The following SEMA3C variants were observed in gnomAD, a reference collection of about 807,000 sequenced individuals.
The protein encoded by SEMA3C is semaphorin 3C, also known as semaphorin-3C.
Under a neutral mutation model 89.4 loss-of-function variants are expected in SEMA3C, and 47 were observed. The ratio of observed to expected loss-of-function variants is 0.53; its 90% confidence interval spans 0.42 to 0.67. The LOEUF (loss-of-function observed/expected upper bound fraction) is 0.67, where lower values mean the gene tolerates loss of function less well. Among genes scored for constraint, SEMA3C ranks in the 30% least tolerant of loss-of-function variants. SEMA3C has a pLI of 0.00. For synonymous variants in SEMA3C, 310 were observed against 320.2 expected, an observed-to-expected ratio of 0.97 and a Z score of 0.34; for missense variants, 839 against 929.1, an observed-to-expected ratio of 0.90 and a Z score of 1.26.
At chr7:80,748,362 C>A (rs1054357261) in intron 17 of SEMA3C, among the ~76,000 whole-genome samples, 1 of 152,074 alleles carries the variant, frequency 6.6e-6, no homozygotes, top group East Asian at 1.9e-4. Flanking sequence ...TTCCACATCA[C>A]TAAATACAGA....
At chr7:80,914,073 T>G (rs1334284884) in intron 2 of SEMA3C, among the ~76,000 whole-genome samples, 5 of 152,138 alleles carry the variant, frequency 3.3e-5, no homozygotes, top group Admixed American at 3.3e-4. Flanking sequence ...TAAAGGTACT[T>G]AGAGATATAA....
chr7:80,895,092 A>G (rs1380206713), intron 2 of SEMA3C, among the ~76,000 whole-genome samples: 4 of 152,142 alleles, frequency 2.6e-5, no homozygotes, highest in Admixed American at 2.6e-4. Context: ...CCCCACACAC[A>G]CGTGAGCATG....
chr7:80,756,517 A>G (rs1385300546), intron 15 of SEMA3C, among the ~76,000 whole-genome samples: 3 of 152,198 alleles, frequency 2.0e-5, no homozygotes, highest in South Asian at 2.1e-4. Flanking sequence ...GCCAAACAGT[A>G]TCATTCACAT....
At chr7:80,747,064 TA>T (rs1327997953) in intron 17 of SEMA3C, among the ~76,000 whole-genome samples, 2 of 152,132 alleles carry the variant, frequency 1.3e-5, no homozygotes, top group African/African-American at 4.8e-5. Context: ...ATAAGTTTAG[TA>T]AAATATTAAT....
intron 1 of SEMA3C, among the ~76,000 whole-genome samples, chr7:80,917,123 C>T (rs887641380): frequency 6.6e-6 from 1 of 152,186 alleles, no homozygotes; most frequent in Non-Finnish European, 1.5e-5. Flanking sequence ...AATATTTTAA[C>T]GGATCTTCTC....
At position 80,863,733 on chromosome 7, in the gene SEMA3C, C is replaced by CATATATAGTAGTATTCCATCAT. The variant is rs1218914834; in HGVS notation, c.104-35010_104-34989dup. Reference sequence around the variant, plus strand: ...ATATATATCACAGATATATATATCACATATATAGTAGTATTCCATCATATA... The same window carrying CATATATAGTAGTATTCCATCAT: ...ATATATATCACAGATATATATATCACATATATAGTAGTATTCCATCATATATATAGTAGTATTCCATCATATA... On this transcript the variant is annotated intron_variant, in intron 2 of 17. Coordinates refer to ENST00000265361, the MANE Select transcript of SEMA3C (RefSeq NM_006379.5). 5.9e-4 allele frequency among the ~76,000 whole-genome samples: 86 copies of CATATATAGTAGTATTCCATCAT among 144,746 alleles called. 1 individual carries two copies. The highest frequency in any genetic ancestry group is 2.1e-3 in the African/African-American group (81 of 38,704). The allele number at this position is 144,746 out of a possible 152,430, so 95.0% of individuals were successfully genotyped here. A position where few individuals can be genotyped will look rare whatever the true frequency, so the allele number is the denominator to read the frequency against.
chr7:80,817,771 CT>C, intron 5 of SEMA3C, among the ~76,000 whole-genome samples: 1 of 152,192 alleles, frequency 6.6e-6, no homozygotes, highest in East Asian at 1.9e-4. Flanking sequence ...ACATCAAGTT[CT>C]TTTCAGCAGA....
In SEMA3C at chr7:80,863,867, CAT is replaced by C. The variant is rs571710666; in HGVS notation, c.104-35124_104-35123del. The stretch of plus-strand genomic sequence containing the variant: ...TCACATATCACATACATATGTATCA[CAT>C]ATATATGTATCACATATATATCACA... On this transcript the variant is annotated intron_variant, in intron 2 of 17. Coordinates refer to ENST00000265361, the MANE Select transcript of SEMA3C (RefSeq NM_006379.5). Among the ~76,000 whole-genome samples the C allele has an allele frequency of 2.3e-3, 322 of 141,776 alleles. 16 individuals carry two copies. Among genetic ancestry groups the C allele is most frequent in the Non-Finnish European group, 3.3e-3 (217 of 66,232 alleles). The allele number at this position is 141,776 out of a possible 152,430, so 93.0% of individuals were successfully genotyped here. A position where few individuals can be genotyped will look rare whatever the true frequency, so the allele number is the denominator to read the frequency against.
At chr7:80,823,904 T>C (rs1428046150) in intron 4 of SEMA3C, among the ~76,000 whole-genome samples, 3 of 152,150 alleles carry the variant, frequency 2.0e-5, no homozygotes, top group African/African-American at 7.2e-5. Context: ...CATGTAGGAA[T>C]GTGAGTACAT....
chr7:80,799,874 G>A (rs867356711), intron 10 of SEMA3C, among the ~76,000 whole-genome samples: 6 of 143,690 alleles, frequency 4.2e-5, no homozygotes, highest in Admixed American at 1.4e-4. Context: ...AAAAATGGCC[G>A]GGCGCAGTGG....
chr7:80,883,602 T>C lies in SEMA3C; in HGVS notation c.103+33077A>G, dbSNP rs1686819426. 2.0e-5 allele frequency among the ~76,000 whole-genome samples: 3 copies of C among 152,214 alleles called. No individual in the cohort carries two copies. The South Asian group carries it at 6.2e-4, about 31-fold the overall frequency. On this transcript the variant is annotated intron_variant, in intron 2 of 17. Coordinates refer to ENST00000265361, the MANE Select transcript of SEMA3C (RefSeq NM_006379.5). Reference sequence around the variant, plus strand: ...CAGACATAAGGTCACCACCCTGTCTTTGGAATGACATTTTGTGTTTTTGTC... The same window carrying C: ...CAGACATAAGGTCACCACCCTGTCTCTGGAATGACATTTTGTGTTTTTGTC...
At chr7:80,899,121 A>G (rs771597267) in intron 2 of SEMA3C, among the ~76,000 whole-genome samples, 3 of 152,008 alleles carry the variant, frequency 2.0e-5, no homozygotes, top group Non-Finnish European at 4.4e-5. Context: ...GCTCACTGCA[A>G]CCTCCGCCGC....
At chr7:80,908,424 G>T (rs1429708793) in intron 2 of SEMA3C, among the ~76,000 whole-genome samples, 2 of 152,096 alleles carry the variant, frequency 1.3e-5, no homozygotes, top group Admixed American at 1.3e-4. Flanking sequence ...TGAGGATTTT[G>T]GAAAACTGAA....
intron 2 of SEMA3C, among the ~76,000 whole-genome samples, chr7:80,876,619 A>G (rs1791209697): frequency 6.6e-6 from 1 of 152,222 alleles, no homozygotes; most frequent in African/African-American, 2.4e-5. Flanking sequence ...TGAGAATGTT[A>G]CCAAATTATT....
intron 10 of SEMA3C, among the ~76,000 whole-genome samples, chr7:80,799,267 T>C: frequency 6.6e-6 from 1 of 152,124 alleles, no homozygotes; most frequent in East Asian, 1.9e-4. Flanking sequence ...CAGTTTACAA[T>C]TATACTATGT....
chr7:80,841,190 C>A (rs1329518294), intron 2 of SEMA3C, among the ~76,000 whole-genome samples: 1 of 152,132 alleles, frequency 6.6e-6, no homozygotes, highest in Non-Finnish European at 1.5e-5. Flanking sequence ...TGATCACATA[C>A]AAGTTTGCTA....
chr7:80,757,200 A>C (rs964276444), intron 15 of SEMA3C, among the ~76,000 whole-genome samples: 1 of 152,336 alleles, frequency 6.6e-6, no homozygotes, highest in Admixed American at 6.5e-5. Context: ...TACTTGAAAG[A>C]TCATTGGTGC....
intron 2 of SEMA3C, among the ~76,000 whole-genome samples, chr7:80,875,668 G>A (rs536770284): frequency 4.6e-5 from 7 of 151,698 alleles, no homozygotes; most frequent in East Asian, 3.9e-4. Context: ...TCCACTACCC[G>A]CCTATTACTC....
At chr7:80,803,899 G>A (rs1789271083) in intron 8 of SEMA3C, among the ~76,000 whole-genome samples, 1 of 151,830 alleles carries the variant, frequency 6.6e-6, no homozygotes, top group South Asian at 2.1e-4. Flanking sequence ...AACTTATTGA[G>A]GGTTAGAATT....
Sources: gnomAD v4.1 joint callset for allele counts (sites outside exome capture counted in the v4.1 genomes callset) on GRCh38, gnomAD v4.1.1 for gene constraint, MANE v1.5 for transcripts, NCBI Gene and HGNC (gene_info 2026-07-23, HGNC 2026-07-21) for gene names.